The following TSPAN32 variants were observed in gnomAD, a reference collection of about 807,000 sequenced individuals.
The protein encoded by TSPAN32 is tetraspanin-32.
A neutral mutation model predicts 42.7 loss-of-function variants in TSPAN32; 47 were observed. That is an observed-to-expected ratio of 1.10 (90% CI 0.87 to 1.40). The LOEUF (loss-of-function observed/expected upper bound fraction) is 1.40. Among genes scored for constraint, TSPAN32 ranks in the 40% most tolerant of loss-of-function variants. The pLI is 0.00. For missense variants in TSPAN32, 469 were observed against 424.1 expected, an observed-to-expected ratio of 1.11 and a Z score of -0.93; for synonymous variants, 175 against 175.9, an observed-to-expected ratio of 0.99 and a Z score of 0.04.
At chr11:2,312,038 GCAGGCAGGGCAGGCAGGGCAGGCAGAGC>G (rs927712672) in intron 4 of TSPAN32, among the ~76,000 whole-genome samples, 4 of 151,674 alleles carry the variant, frequency 2.6e-5, no homozygotes, top group Admixed American at 2.0e-4. Context: ...GCCAGGCAGG[GCAGGCAGGGCAGGCAGGGCAGGCAGAGC>G]CAGGCAGGGC....
chr11:2,306,021 TGTGTGTGTGC>T (rs1848061576), intron 3 of TSPAN32, among the ~76,000 whole-genome samples: 3 of 145,664 alleles, frequency 2.1e-5, no homozygotes, highest in Non-Finnish European at 1.5e-5. Flanking sequence ...TGTGTGTGCA[TGTGTGTGTGC>T]GTGTGCAGGT....
At chr11:2,310,701 A>G (rs1010723885) in intron 4 of TSPAN32, among the ~76,000 whole-genome samples, 1 of 152,204 alleles carries the variant, frequency 6.6e-6, no homozygotes, top group Non-Finnish European at 1.5e-5. Context: ...GAGCACCAAG[A>G]TCCAGGGGCT....
intron 2 of TSPAN32, chr11:2,303,264 G>A (rs1442617805): frequency 3.4e-6 from 1 of 297,626 alleles, no homozygotes; most frequent in African/African-American, 2.2e-5. Flanking sequence ...TGTGCAGTCA[G>A]GGCTCAGTCC....
chr11:2,315,879 C>A, intron 6 of TSPAN32: 5 of 1,422,760 alleles, frequency 3.5e-6, no homozygotes, highest in Non-Finnish European at 4.7e-6. Context: ...GTGCTGTGCC[C>A]GGCCCTGGGC....
At position 2,304,526 on chromosome 11, in the gene TSPAN32, A is replaced by T. The variant is rs1247794684; in HGVS notation, c.279+322A>T. ...CTGAAAGAGAGAGACGGCCCTCCTG[A>T]CCCTGGGAGCTGTTTCCAAAGTCCC... On this transcript the variant is annotated intron_variant, in intron 3 of 9. Transcript: ENST00000182290. The surrounding 1 kb of genome is among the most constrained non-coding windows in gnomAD (Gnocchi z 4.8). Among the ~76,000 whole-genome samples the T allele has an allele frequency of 6.7e-6, 1 of 149,594 alleles. No homozygotes were observed. Among genetic ancestry groups the T allele is most frequent in the Non-Finnish European group, 1.5e-5 (1 of 67,452 alleles).
In TSPAN32 at chr11:2,313,360, C is replaced by T. The variant is rs1006341466; in HGVS notation, c.355-294C>T. 6.6e-6 allele frequency among the ~76,000 whole-genome samples: 1 copy of T among 152,202 alleles called. No individual in the cohort carries two copies. The highest frequency in any genetic ancestry group is 1.5e-5 in the Non-Finnish European group (1 of 68,042). On this transcript the variant is annotated intron_variant, in intron 4 of 9. Coordinates refer to ENST00000182290, the MANE Select transcript of TSPAN32 (RefSeq NM_139022.3). The surrounding 1 kb of genome is among the most constrained non-coding windows in gnomAD (Gnocchi z 9.1). ...GTGGGCCAACCTTGTAAGACCACAGCGGAGGCGGACGCAGAGCTTGGCCTC... is the reference window on the plus strand; with the variant it reads ...GTGGGCCAACCTTGTAAGACCACAGTGGAGGCGGACGCAGAGCTTGGCCTC...
chr11:2,303,008 G>C, intron 2 of TSPAN32, 50 bp downstream of exon 2: 1 of 1,533,934 alleles, frequency 6.5e-7, no homozygotes, highest in Non-Finnish European at 9.0e-7. Context: ...CGGGTGCAAG[G>C]GTGGCTGGCA....
At chr11:2,303,034 G>T in intron 2 of TSPAN32, 76 bp downstream of exon 2, 1 of 1,339,278 alleles carries the variant, frequency 7.5e-7, no homozygotes, top group South Asian at 1.3e-5. Flanking sequence ...CCAGCTGGAC[G>T]CCTCACAGCC....
Position 2,302,105 on chromosome 11 carries a change from C to CAGGGAGGGGA in TSPAN32, c.-34_-25dup, listed in dbSNP as rs1440882302. On this transcript the variant is annotated 5_prime_UTR_variant, in exon 1 of 10. Coordinates refer to ENST00000182290, the MANE Select transcript of TSPAN32 (RefSeq NM_139022.3). ...GAGGCCCCTGCCCAGCTGGAAACCA[C>CAGGGAGGGGA]AGGGAGGGGAAGGGAGGGGAGGAGA... is the stretch of plus-strand genomic sequence containing the variant. 7.4e-6 allele frequency: 11 copies of CAGGGAGGGGA among 1,485,636 alleles called. No homozygotes were observed. The highest frequency in any genetic ancestry group is 5.7e-5 in the African/African-American group (4 of 70,700). The allele number at this position is 1,485,636 out of a possible 1,614,324, so 92.0% of individuals were successfully genotyped here. A position where few individuals can be genotyped will look rare whatever the true frequency, so the allele number is the denominator to read the frequency against.
In TSPAN32 at chr11:2,306,108, C is replaced by T. The variant is rs186462429; in HGVS notation, c.279+1904C>T. 3.3e-3 allele frequency among the ~76,000 whole-genome samples: 493 copies of T among 150,222 alleles called. 1 individual carries two copies. The highest frequency in any genetic ancestry group is 0.011 in the African/African-American group (463 of 40,878). On this transcript the variant is annotated intron_variant, in intron 3 of 9. Coordinates refer to ENST00000182290, the MANE Select transcript of TSPAN32 (RefSeq NM_139022.3). ...ACCGGTCTTCACCTGCCCCTGTTGC[C>T]ATACGGGTGTGGTGTCTGCGTGTTG... is the stretch of plus-strand genomic sequence containing the variant.
At position 2,302,188 on chromosome 11, in the gene TSPAN32, G is replaced by A. The variant is rs142403358; in HGVS notation, c.39G>A (p.Gln13=). 51 of 1,412,392 alleles carry A rather than the reference G, an allele frequency of 3.6e-5. No individual in the cohort carries two copies. Among genetic ancestry groups the A allele is most frequent in the Non-Finnish European group, 4.6e-5 (50 of 1,078,402 alleles). 87.5% of individuals were successfully genotyped at this position (1,412,392 alleles called of 1,614,324 possible). ...PWSRVRVAKC[Q]MLVTCFFILL... ...GTCGAGTCAGGGTTGCCAAATGCCA[G>A]ATGCTGGTCACCTGCTTCTTTATCT... Residue 13 remains glutamine (Q), a synonymous_variant, in exon 1 of 10, where the codon CAG becomes CAA. Transcript: ENST00000182290.
At position 2,317,548 on chromosome 11, in the gene TSPAN32, C is replaced by A. The variant is rs745479177; in HGVS notation, c.901+23C>A. ...GAGGTGAAGACGCCCCTGCTGTCAG[C>A]CCTCATGGGATCCCTGAGGGGAGGG... is the stretch of plus-strand genomic sequence containing the variant. On this transcript the variant is annotated intron_variant, in intron 9 of 9. Coordinates refer to ENST00000182290, the MANE Select transcript of TSPAN32 (RefSeq NM_139022.3). This position sits in a 1 kb window ranked among gnomAD's most constrained non-coding sequence, Gnocchi z 6.2. The A allele has an allele frequency of 7.1e-6, 11 of 1,555,192 alleles. No homozygotes were observed. The South Asian group carries it at 9.4e-5, about 13-fold the overall frequency.
intron 4 of TSPAN32, chr11:2,309,883 G>T (rs1326663177): frequency 1.9e-5 from 3 of 154,768 alleles, no homozygotes; most frequent in African/African-American, 7.2e-5. Context: ...CTGGATGGGG[G>T]CTCCAGGCTT....
chr11:2,309,223 G>C, intron 4 of TSPAN32: 1 of 416,626 alleles, frequency 2.4e-6, no homozygotes, highest in Non-Finnish European at 5.2e-6. Context: ...GAGGGCCAGC[G>C]CTCCTGATGG....
chr11:2,312,039 C>A lies in TSPAN32; in HGVS notation c.355-1615C>A, dbSNP rs980878940. Among the ~76,000 whole-genome samples the A allele has an allele frequency of 2.0e-5, 3 of 151,622 alleles. No homozygotes were observed. The East Asian group carries it at 5.8e-4, about 29-fold the overall frequency. On this transcript the variant is annotated intron_variant, in intron 4 of 9. Coordinates refer to ENST00000182290, the MANE Select transcript of TSPAN32 (RefSeq NM_139022.3). The stretch of plus-strand genomic sequence containing the variant: ...GCAGGGCAGGAAGAGCCAGGCAGGG[C>A]AGGCAGGGCAGGCAGGGCAGGCAGA...
intron 3 of TSPAN32, among the ~76,000 whole-genome samples, chr11:2,307,256 A>C (rs1002630857): frequency 6.6e-6 from 1 of 152,112 alleles, no homozygotes; most frequent in Admixed American, 6.5e-5. Context: ...CTGGCATGCC[A>C]GCGTTGTCGC....
At position 2,317,506 on chromosome 11, in the gene TSPAN32, C is replaced by A. The variant is rs921871728; in HGVS notation, c.882C>A (p.Cys294Ter). Residue 294 changes from cysteine (C) to a stop codon, truncating the protein, a stop_gained, in exon 9 of 10, where the codon TGC (cysteine) becomes TGA (stop). Coordinates refer to ENST00000182290, the MANE Select transcript of TSPAN32 (RefSeq NM_139022.3). LOFTEE classifies it low-confidence loss of function (END_TRUNC). This position sits in a 1 kb window ranked among gnomAD's most constrained non-coding sequence, Gnocchi z 6.2. ...ESDAAPLPLS[C>*]HLAAHRALQG... is the part of the protein sequence containing the mutation. Reference sequence around the variant, plus strand: ...ATGCTGCGCCTCTGCCCCTCTCCTGCCACCTGGCTGCCCACAGAGGTGAAG... The same window carrying A: ...ATGCTGCGCCTCTGCCCCTCTCCTGACACCTGGCTGCCCACAGAGGTGAAG... The A allele has an allele frequency of 3.2e-6, 5 of 1,585,808 alleles. No individual in the cohort carries two copies. Among genetic ancestry groups the A allele is most frequent in the East Asian group, 2.3e-5 (1 of 43,780 alleles).
chr11:2,307,848 T>G (rs756926), intron 3 of TSPAN32, among the ~76,000 whole-genome samples: 135,446 of 152,188 alleles, frequency 0.89, 61,151 homozygotes, highest in Non-Finnish European at 0.93. Context: ...GGAGAGAAAG[T>G]GAGGTGAGGG....
At chr11:2,309,820 C>T (rs2521277) in intron 4 of TSPAN32, among the ~76,000 whole-genome samples, 1 of 151,188 alleles carries the variant, frequency 6.6e-6, no homozygotes, top group Non-Finnish European at 1.5e-5. Flanking sequence ...AATGGGGGGA[C>T]TCAGGCCCTC....
Sources: gnomAD v4.1 joint callset for allele counts (sites outside exome capture counted in the v4.1 genomes callset) on GRCh38, gnomAD v4.1.1 for gene constraint, Gnocchi (gnomAD v3.1) non-coding constraint, MANE v1.5 for transcripts, NCBI Gene and HGNC (gene_info 2026-07-23, HGNC 2026-07-21) for gene names.